SORBS2: variants seen among roughly 807,000 people sequenced by gnomAD.
The protein encoded by SORBS2 is sorbin and SH3 domain-containing protein 2.
SORBS2 carries 46 observed loss-of-function variants against 97.7 expected under a neutral mutation model. The ratio of observed to expected loss-of-function variants is 0.47; its 90% CI spans 0.37 to 0.60. SORBS2 has a LOEUF of 0.60. Among genes scored for constraint, SORBS2 ranks in the 20% least tolerant of loss-of-function variants. The pLI is 0.00. For synonymous variants in SORBS2, 476 were observed against 473.4 expected, an observed-to-expected ratio of 1.01 and a Z score of -0.07; for missense variants, 1,316 against 1,282.3, an observed-to-expected ratio of 1.03 and a Z score of -0.40.
rs116455725 is a variant in SORBS2, at chr4:185,922,471, C to T, written c.-338+33725G>A. Reference sequence around the variant, plus strand: ...CTCTTATAACTCACATTCATAGGAACGAATCATGGAATTGAGCCTCAGAAA... The same window carrying T: ...CTCTTATAACTCACATTCATAGGAATGAATCATGGAATTGAGCCTCAGAAA... On this transcript the variant is annotated intron_variant, in intron 1 of 20. Transcript: ENST00000284776. Among the ~76,000 whole-genome samples, 471 of 152,262 alleles carry T rather than the reference C, an allele frequency of 3.1e-3. 1 individual carries two copies. Among genetic ancestry groups the T allele is most frequent in the African/African-American group, 8.0e-3 (334 of 41,532 alleles).
At position 185,607,773 on chromosome 4, in the gene SORBS2, C is replaced by A. The variant is rs1333387280; in HGVS notation, c.2796+4007G>T. Among the ~76,000 whole-genome samples the A allele has an allele frequency of 6.6e-6, 1 of 152,090 alleles. No individual in the cohort carries two copies. Among genetic ancestry groups the A allele is most frequent in the Non-Finnish European group, 1.5e-5 (1 of 68,008 alleles). On this transcript the variant is annotated intron_variant, in intron 12 of 14. Transcript: ENST00000418609. This position sits in a 1 kb window ranked among gnomAD's most constrained non-coding sequence, Gnocchi z 5.2. Reference sequence around the variant, plus strand: ...GCAGTGGTGTGATCTCGGCTCACTGCAACCTCTGCCTCCCAGGTTCAAACG... The same window carrying A: ...GCAGTGGTGTGATCTCGGCTCACTGAAACCTCTGCCTCCCAGGTTCAAACG...
chr4:185,790,159 G>C (rs960396377), intron 1 of SORBS2, among the ~76,000 whole-genome samples: 2 of 151,522 alleles, frequency 1.3e-5, no homozygotes, highest in Non-Finnish European at 2.9e-5. Flanking sequence ...ATTTATTCAG[G>C]ATATGAGAAG....
intron 2 of SORBS2, among the ~76,000 whole-genome samples, chr4:185,650,762 G>T (rs137939019): frequency 7.4e-4 from 113 of 152,208 alleles, no homozygotes; most frequent in African/African-American, 2.6e-3. Flanking sequence ...TAAAGGAGGT[G>T]AGTTTGGTGG....
intron 9 of SORBS2, among the ~76,000 whole-genome samples, chr4:185,617,311 G>GAA (rs906684812): frequency 2.7e-5 from 4 of 149,942 alleles, no homozygotes; most frequent in Non-Finnish European, 5.9e-5. Context: ...TCTCTAATTT[G>GAA]AAAAAAAAAG....
chr4:185,929,263 G>T (rs2099265262), intron 1 of SORBS2, among the ~76,000 whole-genome samples: 1 of 152,144 alleles, frequency 6.6e-6, no homozygotes, highest in Non-Finnish European at 1.5e-5. Flanking sequence ...AGGTGACCCA[G>T]GCTTCCACAA....
chr4:185,588,606 C>CCTCCCTCCTCCTCCTA (rs1561252589), intron 14 of SORBS2, among the ~76,000 whole-genome samples: 1 of 150,808 alleles, frequency 6.6e-6, no homozygotes, highest in African/African-American at 2.4e-5. Flanking sequence ...TCCTCCTCCT[C>CCTCCCTCCTCCTCCTA]CCTCCTCCTC....
At chr4:185,817,140 C>T (rs78086146) in intron 1 of SORBS2, among the ~76,000 whole-genome samples, 2,067 of 151,968 alleles carry the variant, frequency 0.014, 48 homozygotes, top group African/African-American at 0.045. Flanking sequence ...ACAGGAACTA[C>T]TTTATCGTAA....
At chr4:185,883,985 A>G (rs897301448) in intron 1 of SORBS2, among the ~76,000 whole-genome samples, 1 of 152,244 alleles carries the variant, frequency 6.6e-6, no homozygotes, top group African/African-American at 2.4e-5. Context: ...ACTTTCTGGA[A>G]AAAGCAAAAC....
At position 185,730,180 on chromosome 4, in the gene SORBS2, T is replaced by A. The variant is rs966351039; in HGVS notation, c.-198+45047A>T. Among the ~76,000 whole-genome samples, 4 of 152,260 alleles carry A rather than the reference T, an allele frequency of 2.6e-5. No individual in the cohort carries two copies. The East Asian group carries it at 7.7e-4, about 29-fold the overall frequency. On this transcript the variant is annotated intron_variant, in intron 2 of 20. Coordinates refer to the SORBS2 transcript ENST00000284776. ...TGTTAGCCAGGATGGTCTCGATCTG[T>A]GAAGTTTACATTTTCAAAGAATGTT... is the stretch of plus-strand genomic sequence containing the variant.
intron 2 of SORBS2, among the ~76,000 whole-genome samples, chr4:185,714,185 C>T (rs2098446596): frequency 6.6e-6 from 1 of 152,162 alleles, no homozygotes; most frequent in South Asian, 2.1e-4. Flanking sequence ...CAAAATAATA[C>T]ATTTGCATTT....
chr4:185,730,692 A>G (rs1429577891), intron 2 of SORBS2, among the ~76,000 whole-genome samples: 1 of 152,182 alleles, frequency 6.6e-6, no homozygotes, highest in African/African-American at 2.4e-5. Flanking sequence ...GTAAGTTTGC[A>G]CTGGGCTATC....
chr4:185,717,432 C>T (rs1339654029), intron 2 of SORBS2, among the ~76,000 whole-genome samples: 1 of 152,152 alleles, frequency 6.6e-6, no homozygotes, highest in Non-Finnish European at 1.5e-5. Context: ...TGAGGAAGGC[C>T]GACATCCTCC....
intron 4 of SORBS2, among the ~76,000 whole-genome samples, chr4:185,664,176 T>C (rs757426418): frequency 6.6e-6 from 1 of 152,168 alleles, no homozygotes. Flanking sequence ...TTTATTGTGT[T>C]CAACCAATCA....
At chr4:185,609,582 C>G (rs2096498397) in intron 12 of SORBS2, among the ~76,000 whole-genome samples, 1 of 152,168 alleles carries the variant, frequency 6.6e-6, no homozygotes, top group African/African-American at 2.4e-5. Flanking sequence ...ACCTATAATA[C>G]AAAACCCATA....
intron 1 of SORBS2, among the ~76,000 whole-genome samples, chr4:185,866,929 C>CTTAG (rs2099227182): frequency 6.6e-6 from 1 of 152,214 alleles, no homozygotes; most frequent in African/African-American, 2.4e-5. Context: ...GAAAATAACA[C>CTTAG]AGTGCTCTAA....
In SORBS2 at chr4:185,623,076, T is replaced by A. The variant is rs1561474165; in HGVS notation, c.2053A>T (p.Ser685Cys). Reference sequence around the variant, plus strand: ...GGGTGGAGAGGCTGGTGCAGGGGGCTCCTCCTCAGCGCTCTCAGGGATGAG... The same window carrying A: ...GGGTGGAGAGGCTGGTGCAGGGGGCACCTCCTCAGCGCTCTCAGGGATGAG... Residue 685 changes from serine (S) to cysteine (C), a missense_variant, in exon 7 of 15, where the codon AGC (serine) becomes TGC (cysteine). Coordinates refer to ENST00000418609, the Ensembl canonical transcript of SORBS2. The surrounding 1 kb of genome is among the most constrained non-coding windows in gnomAD (Gnocchi z 6.4). 2 of 1,613,846 alleles carry A rather than the reference T, an allele frequency of 1.2e-6. No homozygotes were observed.
At chr4:185,798,622 T>C (rs929937863) in intron 1 of SORBS2, among the ~76,000 whole-genome samples, 1 of 152,188 alleles carries the variant, frequency 6.6e-6, no homozygotes, top group Admixed American at 6.5e-5. Context: ...TACATCATCA[T>C]AGTCTTATTA....
chr4:185,606,434 TACCCA>T lies in SORBS2; in HGVS notation c.2796+5341_2796+5345del. On this transcript the variant is annotated intron_variant, in intron 12 of 14. Coordinates refer to ENST00000418609, the Ensembl canonical transcript of SORBS2. The surrounding 1 kb of genome is among the most constrained non-coding windows in gnomAD (Gnocchi z 4.3). ...TAATTAAATATGGTGTGTTTTCATATACCCACTCCACCCCCATCTTATATAGTATT... is the reference window on the plus strand; with the variant it reads ...TAATTAAATATGGTGTGTTTTCATATCTCCACCCCCATCTTATATAGTATT... The T allele has an allele frequency of 6.2e-6, 6 of 972,522 alleles. No individual in the cohort carries two copies. The highest frequency in any genetic ancestry group is 7.3e-6 in the Non-Finnish European group (6 of 818,250). The allele number at this position is 972,522 out of a possible 1,614,324, so 60.2% of individuals were successfully genotyped here.
intron 9 of SORBS2, among the ~76,000 whole-genome samples, chr4:185,618,242 T>C (rs2096658339): frequency 6.6e-6 from 1 of 152,242 alleles, no homozygotes; most frequent in Non-Finnish European, 1.5e-5. Flanking sequence ...CCCAAAGTGC[T>C]GGGATTACAG....
Sources: gnomAD v4.1 joint callset for allele counts (sites outside exome capture counted in the v4.1 genomes callset) on GRCh38, gnomAD v4.1.1 for gene constraint, Gnocchi (gnomAD v3.1) non-coding constraint, MANE v1.5 for transcripts, NCBI Gene and HGNC (gene_info 2026-07-23, HGNC 2026-07-21) for gene names.